The following IL1RAPL2 variants were observed in gnomAD, a reference collection of about 807,000 sequenced individuals.
IL1RAPL2 encodes the protein X-linked interleukin-1 receptor accessory protein-like 2.
IL1RAPL2 carries 3 observed loss-of-function variants against 44.1 expected under a neutral mutation model. The ratio of observed to expected loss-of-function variants is 0.07; its 90% CI spans 0.03 to 0.18. IL1RAPL2 has a LOEUF of 0.18. Ranked by LOEUF, IL1RAPL2 falls within the 10% of genes least tolerant of loss-of-function variation. IL1RAPL2 has a pLI of 1.00. For missense variants in IL1RAPL2, 391 were observed against 496.4 expected (o/e 0.79, Z 2.02); for synonymous variants, 181 against 178.8 (o/e 1.01, Z -0.10).
intron 2 of IL1RAPL2, among the ~76,000 whole-genome samples, chrX:104,866,161 G>T (rs768188693): frequency 9.0e-6 from 1 of 111,660 alleles, no homozygotes; most frequent in African/African-American, 3.3e-5. Flanking sequence ...CTGACCTATG[G>T]TTCAGACAAT....
chrX:105,349,869 A>T (rs904329235), intron 5 of IL1RAPL2, among the ~76,000 whole-genome samples: 1 of 111,819 alleles, frequency 8.9e-6, no homozygotes, highest in Admixed American at 9.5e-5. Flanking sequence ...CCAGAAAAAA[A>T]TGTTGTTTTT....
chrX:104,778,398 A>T (rs1333725133), intron 2 of IL1RAPL2, among the ~76,000 whole-genome samples: 3 of 109,741 alleles, frequency 2.7e-5, no homozygotes, highest in Admixed American at 9.8e-5. Flanking sequence ...TAAATATTTA[A>T]TTTTTTCTTT....
chrX:105,759,232 AC>A (rs2038666142), intron 10 of IL1RAPL2, among the ~76,000 whole-genome samples: 1 of 112,330 alleles, frequency 8.9e-6, no homozygotes, highest in South Asian at 3.7e-4. Flanking sequence ...AGTAGAAACA[AC>A]CCAATCCTGT....
chrX:104,747,857 A>G (rs1175759518), intron 2 of IL1RAPL2, among the ~76,000 whole-genome samples: 1 of 111,776 alleles, frequency 8.9e-6, no homozygotes, highest in African/African-American at 3.2e-5. Context: ...TTCTTTTGAA[A>G]GGACTTTAAT....
At chrX:104,808,969 G>T (rs189351086) in intron 2 of IL1RAPL2, among the ~76,000 whole-genome samples, 1 of 111,640 alleles carries the variant, frequency 9.0e-6, no homozygotes, top group African/African-American at 3.3e-5. Flanking sequence ...CTTAAAAGTC[G>T]TGTACTTGAG....
intron 6 of IL1RAPL2, among the ~76,000 whole-genome samples, chrX:105,687,767 A>G (rs1000660551): frequency 1.8e-5 from 2 of 111,693 alleles, no homozygotes; most frequent in Non-Finnish European, 3.8e-5. Context: ...CAGAGACACA[A>G]CAAAAAAAGA....
intron 6 of IL1RAPL2, among the ~76,000 whole-genome samples, chrX:105,596,990 C>G (rs764033520): frequency 6.3e-5 from 7 of 111,575 alleles, no homozygotes; most frequent in Non-Finnish European, 1.3e-4. Context: ...AACTAAAAAG[C>G]TTCTGCACAA....
intron 6 of IL1RAPL2, among the ~76,000 whole-genome samples, chrX:105,499,263 T>C (rs979188890): frequency 9.1e-6 from 1 of 110,339 alleles, no homozygotes; most frequent in African/African-American, 3.3e-5. Context: ...GAATTAAACA[T>C]AAAACCTGAA....
At chrX:104,602,064 C>T (rs1246775556) in intron 1 of IL1RAPL2, among the ~76,000 whole-genome samples, 1 of 111,866 alleles carries the variant, frequency 8.9e-6, no homozygotes, top group Non-Finnish European at 1.9e-5. Context: ...ATAGGAACAG[C>T]TCCGGTCTGC....
intron 3 of IL1RAPL2, among the ~76,000 whole-genome samples, chrX:105,229,195 C>G (rs1556192768): frequency 8.9e-6 from 1 of 111,948 alleles, no homozygotes; most frequent in African/African-American, 3.3e-5. Flanking sequence ...TTAAATAGAA[C>G]CAGCCTGGGG....
chrX:105,345,846 G>A (rs2147702063), intron 5 of IL1RAPL2, among the ~76,000 whole-genome samples: 1 of 111,838 alleles, frequency 8.9e-6, no homozygotes, highest in South Asian at 3.7e-4. Context: ...CATTGCATAA[G>A]CACAGGAATA....
intron 2 of IL1RAPL2, among the ~76,000 whole-genome samples, chrX:104,931,944 A>ATGTGTGTGTG (rs1569345149): frequency 1.4e-5 from 1 of 71,263 alleles, no homozygotes; most frequent in East Asian, 5.0e-4. Context: ...GTGGGAAACT[A>ATGTGTGTGTG]TGAGTGTGTG....
chrX:105,396,699 A>C (rs773651271), intron 5 of IL1RAPL2, among the ~76,000 whole-genome samples: 12 of 107,543 alleles, frequency 1.1e-4, no homozygotes, highest in Non-Finnish European at 2.1e-4. Flanking sequence ...TCTCCAGGGA[A>C]TCCTGAGTAA....
chrX:105,708,385 A>G (rs1290003840), intron 6 of IL1RAPL2, among the ~76,000 whole-genome samples: 2 of 111,929 alleles, frequency 1.8e-5, no homozygotes, highest in African/African-American at 6.5e-5. Flanking sequence ...CAGTCACCAT[A>G]TAATACCTGG....
chrX:104,568,672 C>T (rs1334186809), intron 1 of IL1RAPL2, among the ~76,000 whole-genome samples: 3 of 111,968 alleles, frequency 2.7e-5, no homozygotes. Context: ...TCTTGCCGCA[C>T]AGAACGCGTT....
At chrX:105,121,472 T>C (rs998558209) in intron 2 of IL1RAPL2, among the ~76,000 whole-genome samples, 2 of 111,741 alleles carry the variant, frequency 1.8e-5, no homozygotes, top group Admixed American at 1.9e-4. Context: ...ACTACTGCCA[T>C]TTTAACAGGG....
At chrX:105,699,871 C>T (rs1489261406) in intron 6 of IL1RAPL2, among the ~76,000 whole-genome samples, 1 of 111,778 alleles carries the variant, frequency 8.9e-6, no homozygotes, top group African/African-American at 3.2e-5. Context: ...GCAGTCAGCT[C>T]ATGTTGCAGA....
At chrX:105,194,748 T>C (rs1416014753) in intron 2 of IL1RAPL2, among the ~76,000 whole-genome samples, 3 of 111,892 alleles carry the variant, frequency 2.7e-5, no homozygotes, top group Non-Finnish European at 3.8e-5. Context: ...ATAATCACTT[T>C]AGGTGCCTAC....
intron 2 of IL1RAPL2, among the ~76,000 whole-genome samples, chrX:105,014,386 C>T (rs1255908377): frequency 9.0e-6 from 1 of 110,819 alleles, no homozygotes; most frequent in East Asian, 2.9e-4. Flanking sequence ...CATAGGTATA[C>T]ATGTGCCATG....
Sources: allele counts gnomAD v4.1 joint callset (sites outside exome capture counted in the v4.1 genomes callset), GRCh38; gene constraint gnomAD v4.1.1; transcripts MANE v1.5; gene names NCBI Gene and HGNC (gene_info 2026-07-23, HGNC 2026-07-21).